The following CYP2C8 variants were observed in gnomAD, a reference collection of about 807,000 sequenced individuals.
CYP2C8 encodes the protein cytochrome P450 family 2 subfamily C member 8, also known as cytochrome P450 2C8.
A neutral mutation model predicts 41.3 loss-of-function variants in CYP2C8; 51 were observed. The observed-to-expected ratio is 1.24, with a 90% CI of 0.99 to 1.56. The LOEUF (loss-of-function observed/expected upper bound fraction) is 1.56. CYP2C8 is among the 40% of genes most tolerant of loss of function. The pLI is 0.00. For missense variants in CYP2C8, 651 were observed against 579.9 expected (o/e 1.12, Z -1.26); for synonymous variants, 218 against 205.8 (o/e 1.06, Z -0.51).
In CYP2C8 at chr10:95,064,958, A is replaced by C. The variant is rs749821258; in HGVS notation, c.484T>G (p.Ser162Ala). The C allele has an allele frequency of 1.9e-5, 29 of 1,490,166 alleles. 1 individual carries two copies. The South Asian group carries it at 4.1e-4, about 21-fold the overall frequency. The allele number at this position is 1,490,166 out of a possible 1,614,324, so 92.3% of individuals were successfully genotyped here. A position where few individuals can be genotyped will look rare whatever the true frequency, so the allele number is the denominator to read the frequency against. The change falls in exon 4 of 9, where the codon TCA becomes GCA. Residue 162 changes from serine to alanine, a missense_variant and splice_region_variant. Transcript: ENST00000371270. ...AGGATGAAAGTGGGATCACAGGGTGAAGCTAAAGATTTAAAAATTTTTAAA... is the reference window on the plus strand; with the variant it reads ...AGGATGAAAGTGGGATCACAGGGTGCAGCTAAAGATTTAAAAATTTTTAAA... ...LVEELRKTKA[S>A]PCDPTFILGC... is the part of the protein sequence containing the mutation.
At chr10:95,037,748 C>T (rs1164608757) in intron 8 of CYP2C8, among the ~76,000 whole-genome samples, 3 of 152,150 alleles carry the variant, frequency 2.0e-5, no homozygotes, top group African/African-American at 7.2e-5. Flanking sequence ...CTGTTCTCAG[C>T]TCTGGTCATA....
chr10:95,042,753 T>C (rs569528471), intron 7 of CYP2C8, 137 bp downstream of exon 7: 2 of 765,872 alleles, frequency 2.6e-6, no homozygotes, highest in East Asian at 2.5e-5. Context: ...CCAAACAAAA[T>C]AGCAGAAAGT....
intron 3 of CYP2C8, 64 bp downstream of exon 3, chr10:95,067,144 C>T: frequency 1.2e-6 from 2 of 1,611,780 alleles, no homozygotes; most frequent in Non-Finnish European, 1.7e-6. Flanking sequence ...GAAATGTTTC[C>T]AAGGACGTCA....
In CYP2C8 at chr10:95,064,969, T is replaced by G; in HGVS notation, c.482-9A>C. On this transcript the variant is annotated splice_polypyrimidine_tract_variant and intron_variant, in intron 3 of 8. Coordinates refer to ENST00000371270, the MANE Select transcript of CYP2C8 (RefSeq NM_000770.3). ...GGGATCACAGGGTGAAGCTAAAGAT[T>G]TAAAAATTTTTAAAAAAATTATTAA... 1 of 1,448,654 alleles carries G rather than the reference T, an allele frequency of 6.9e-7. No individual in the cohort carries two copies. The highest frequency in any genetic ancestry group is 1.4e-5 in the African/African-American group (1 of 68,994). The allele number at this position is 1,448,654 out of a possible 1,614,324, so 89.7% of individuals were successfully genotyped here.
chr10:95,051,355 G>A (rs987228268), intron 5 of CYP2C8, among the ~76,000 whole-genome samples: 7 of 152,180 alleles, frequency 4.6e-5, no homozygotes, highest in Middle Eastern at 6.8e-3. Context: ...CACACCTACA[G>A]GATCTAGAAA....
At chr10:95,053,147 G>A (rs76985439) in intron 5 of CYP2C8, among the ~76,000 whole-genome samples, 6,454 of 151,956 alleles carry the variant, frequency 0.042, 149 homozygotes, top group Middle Eastern at 0.1. Context: ...TTCCTACAGC[G>A]AACAATTTAA....
rs370459834 is a variant in CYP2C8 at position 95,058,372 on chromosome 10, C to G, written c.782G>C (p.Arg261Pro). Residue 261 changes from arginine to proline, a missense_variant, in exon 5 of 9, where the codon CGG (arginine) becomes CCG (proline). By Grantham distance (103) the Arg-to-Pro change is moderately radical. Transcript: ENST00000371270. ...HQASLDVNNP[R>P]DFIDCFLIKM... ...GATCAGGAAGCAATCGATAAAGTCCCGAGGATTGTTAACATCCAGTGATGC... is the reference window on the plus strand; with the variant it reads ...GATCAGGAAGCAATCGATAAAGTCCGGAGGATTGTTAACATCCAGTGATGC... 3.1e-6 allele frequency: 5 copies of G among 1,613,398 alleles called. No individual in the cohort carries two copies. Among genetic ancestry groups the G allele is most frequent in the Non-Finnish European group, 4.2e-6 (5 of 1,179,584 alleles).
intron 4 of CYP2C8, among the ~76,000 whole-genome samples, chr10:95,062,235 TG>T (rs1320898265): frequency 6.6e-6 from 1 of 152,162 alleles, no homozygotes; most frequent in Admixed American, 6.5e-5. Context: ...ATGTTGACAG[TG>T]GGGTGTTAAA....
chr10:95,064,697 A>T, intron 4 of CYP2C8, 103 bp downstream of exon 4: 1 of 1,135,634 alleles, frequency 8.8e-7, no homozygotes, highest in Non-Finnish European at 1.3e-6. Flanking sequence ...CATCATTTTT[A>T]TTGTATAAAA....
At chr10:95,045,736 C>A in intron 6 of CYP2C8, 74 bp downstream of exon 6, 1 of 1,568,544 alleles carries the variant, frequency 6.4e-7, no homozygotes. Context: ...CTGAGAGAAA[C>A]AAGGTGGAGG....
At position 95,066,950 on chromosome 10, in the gene CYP2C8, C is replaced by T. The variant is rs566878932; in HGVS notation, c.481+258G>A. Among the ~76,000 whole-genome samples the T allele has an allele frequency of 2.0e-5, 3 of 152,216 alleles. No individual in the cohort carries two copies. In the South Asian group the frequency reaches 6.2e-4, roughly 32 times the overall value. On this transcript the variant is annotated intron_variant, in intron 3 of 8. Transcript: ENST00000371270. ...TTATTTATAATTTCTGATTTGAAAA[C>T]AAGGAAACAAAATTGAGCAGAAAAT...
At chr10:95,068,683 A>T in intron 1 of CYP2C8, 2 of 1,063,436 alleles carry the variant, frequency 1.9e-6, no homozygotes, top group South Asian at 2.6e-5. Context: ...GTATTAAATG[A>T]TTATATAATA....
At chr10:95,054,574 A>G (rs2033276886) in intron 5 of CYP2C8, among the ~76,000 whole-genome samples, 1 of 152,138 alleles carries the variant, frequency 6.6e-6, no homozygotes, top group African/African-American at 2.4e-5. Flanking sequence ...TTAGACAAGA[A>G]AGAGAAATAA....
intron 8 of CYP2C8, among the ~76,000 whole-genome samples, chr10:95,038,651 T>A (rs563265736): frequency 6.6e-6 from 1 of 152,234 alleles, no homozygotes; most frequent in South Asian, 2.1e-4. Context: ...GTGGCAGAGT[T>A]CAGTCAAACC....
At chr10:95,038,648 A>G (rs1176958646) in intron 8 of CYP2C8, among the ~76,000 whole-genome samples, 1 of 152,176 alleles carries the variant, frequency 6.6e-6, no homozygotes, top group Non-Finnish European at 1.5e-5. Context: ...CTAGTGGCAG[A>G]GTTCAGTCAA....
chr10:95,045,701 C>T (rs2033093604), intron 6 of CYP2C8, 109 bp downstream of exon 6: 2 of 1,365,296 alleles, frequency 1.5e-6, no homozygotes, highest in Admixed American at 1.7e-5. Context: ...GCTGATGACA[C>T]AGAAATTTAA....
At chr10:95,064,702 A>T (rs1264101247) in intron 4 of CYP2C8, 98 bp downstream of exon 4, 1 of 1,202,078 alleles carries the variant, frequency 8.3e-7, no homozygotes, top group Non-Finnish European at 1.2e-6. Context: ...TTTTTATTGT[A>T]TAAAAGCATT....
chr10:95,060,415 G>A (rs1564740041), intron 4 of CYP2C8, among the ~76,000 whole-genome samples: 2 of 152,260 alleles, frequency 1.3e-5, no homozygotes, highest in Admixed American at 6.5e-5. Flanking sequence ...ATTGTGAATG[G>A]AAGTTCACTC....
chr10:95,047,305 T>C (rs965708590), intron 5 of CYP2C8, among the ~76,000 whole-genome samples: 2 of 152,196 alleles, frequency 1.3e-5, no homozygotes, highest in African/African-American at 4.8e-5. Flanking sequence ...GATTTTTTTA[T>C]TATTTGTAAG....
Sources: allele counts gnomAD v4.1 joint callset (sites outside exome capture counted in the v4.1 genomes callset), GRCh38; gene constraint gnomAD v4.1.1; transcripts MANE v1.5; gene names NCBI Gene and HGNC (gene_info 2026-07-23, HGNC 2026-07-21).